VIT: variants seen among roughly 807,000 people sequenced by gnomAD.
VIT encodes vitrin.
Under a neutral mutation model 78.0 loss-of-function variants are expected in VIT, and 99 were observed. The ratio of observed to expected loss-of-function variants is 1.27; its 90% CI spans 1.08 to 1.50. The LOEUF (loss-of-function observed/expected upper bound fraction) is 1.50, where lower values mean the gene tolerates loss of function less well. VIT is among the 40% of genes most tolerant of loss of function. The pLI, the probability that VIT is intolerant of heterozygous loss-of-function variation, is 0.00. For missense variants in VIT, 1,126 were observed against 875.3 expected, an observed-to-expected ratio of 1.29 and a Z score of -3.61; for synonymous variants, 374 against 334.3, an observed-to-expected ratio of 1.12 and a Z score of -1.29.
intron 11 of VIT, 122 bp downstream of exon 11, chr2:36,783,524 T>C: frequency 1.1e-6 from 1 of 906,684 alleles, no homozygotes; most frequent in Non-Finnish European, 1.7e-6. Flanking sequence ...TTATCTCCTC[T>C]CTTCTGACAC....
In VIT at chr2:36,722,721, G is replaced by C. The variant is rs112079252; in HGVS notation, c.52+6299G>C. Among the ~76,000 whole-genome samples the C allele has an allele frequency of 3.2e-3, 482 of 152,254 alleles. 3 individuals carry two copies. Among genetic ancestry groups the C allele is most frequent in the African/African-American group, 0.011 (463 of 41,560 alleles). On this transcript the variant is annotated intron_variant, in intron 2 of 15. Coordinates refer to ENST00000379242, the MANE Select transcript of VIT (RefSeq NM_053276.4). ...TTCTAGGTACACAAATATGCAGTAA[G>C]TACCTACTGATTTGATTATTGATTA... is the stretch of plus-strand genomic sequence containing the variant.
intron 9 of VIT, among the ~76,000 whole-genome samples, chr2:36,775,368 C>G (rs185649682): frequency 1.4e-4 from 22 of 152,300 alleles, no homozygotes; most frequent in Admixed American, 1.2e-3. Context: ...ACCTACCAGG[C>G]CCATCCTCAG....
rs1022531364 is a variant in VIT, at chr2:36,755,175, T to G, written c.409+121T>G. ...ATTTCATAAAAATCTGAAGCATTCG[T>G]TTTTCTGATAATTAGAATCACGACA... On this transcript the variant is annotated intron_variant, in intron 5 of 15. Coordinates refer to ENST00000379242, the MANE Select transcript of VIT (RefSeq NM_053276.4). The G allele has an allele frequency of 8.0e-6, 9 of 1,125,368 alleles. No homozygotes were observed. In the African/African-American group the frequency reaches 1.4e-4, roughly 18 times the overall value. 69.7% of individuals were successfully genotyped at this position (1,125,368 alleles called of 1,614,324 possible). A position where few individuals can be genotyped will look rare whatever the true frequency, so the allele number is the denominator to read the frequency against.
chr2:36,720,917 A>G (rs1666464500), intron 2 of VIT, among the ~76,000 whole-genome samples: 1 of 152,020 alleles, frequency 6.6e-6, no homozygotes, highest in African/African-American at 2.4e-5. Flanking sequence ...GGCTGAGGCA[A>G]GAGAATTGCT....
At chr2:36,776,403 T>C (rs1270350947) in intron 9 of VIT, among the ~76,000 whole-genome samples, 3 of 152,148 alleles carry the variant, frequency 2.0e-5, no homozygotes, top group South Asian at 2.1e-4. Context: ...TTGGAGACAT[T>C]TGCCACTCTT....
At chr2:36,700,423 A>T (rs1038396191) in intron 1 of VIT, among the ~76,000 whole-genome samples, 6 of 152,064 alleles carry the variant, frequency 3.9e-5, no homozygotes, top group African/African-American at 1.4e-4. Context: ...TGTTATAATG[A>T]TTAACCATCA....
At position 36,760,832 on chromosome 2, in the gene VIT, CCAT is replaced by C. The variant is rs1669072613; in HGVS notation, c.487+1787_487+1789del. 5.3e-5 allele frequency among the ~76,000 whole-genome samples: 8 copies of C among 152,332 alleles called. No homozygotes were observed. In the South Asian group the frequency reaches 1.7e-3, roughly 32 times the overall value. ...CCTGGGGCAGCCCCTTCCCACAGAG[CCAT>C]GGGAACAGCCAGGCTTCTCTTTGGC... On this transcript the variant is annotated intron_variant, in intron 6 of 15. Transcript: ENST00000379242.
chr2:36,708,113 C>A (rs935469702), intron 1 of VIT, among the ~76,000 whole-genome samples: 1 of 146,898 alleles, frequency 6.8e-6, no homozygotes, highest in African/African-American at 2.5e-5. Flanking sequence ...AAGGACCTCC[C>A]CCCCCCGCCC....
chr2:36,802,604 T>C (rs541945367), intron 13 of VIT, among the ~76,000 whole-genome samples: 2 of 152,356 alleles, frequency 1.3e-5, no homozygotes, highest in African/African-American at 4.8e-5. Context: ...CAGTATTACC[T>C]TCATCACACA....
intron 1 of VIT, among the ~76,000 whole-genome samples, chr2:36,704,496 C>G (rs982483296): frequency 3.9e-5 from 6 of 152,170 alleles, no homozygotes; most frequent in Admixed American, 3.9e-4. Context: ...TCAGGGGGCC[C>G]TGCAGGAGAG....
At chr2:36,744,236 T>C (rs1010582042) in intron 4 of VIT, among the ~76,000 whole-genome samples, 2 of 152,236 alleles carry the variant, frequency 1.3e-5, no homozygotes, top group Non-Finnish European at 2.9e-5. Flanking sequence ...GGTTCCATTG[T>C]CTTTGCTATT....
intron 7 of VIT, among the ~76,000 whole-genome samples, chr2:36,772,516 C>T (rs1228985612): frequency 6.6e-6 from 1 of 152,106 alleles, no homozygotes; most frequent in Non-Finnish European, 1.5e-5. Context: ...GCCTGGGCAA[C>T]AAGAGCGAAA....
chr2:36,719,802 G>A (rs1354756186), intron 2 of VIT, among the ~76,000 whole-genome samples: 2 of 152,210 alleles, frequency 1.3e-5, no homozygotes, highest in African/African-American at 4.8e-5. Flanking sequence ...TTATCCAGGT[G>A]TGGTGGCATG....
intron 4 of VIT, 102 bp downstream of exon 4, chr2:36,743,358 AT>A: frequency 8.2e-7 from 1 of 1,224,902 alleles, no homozygotes; most frequent in Non-Finnish European, 1.1e-6. Flanking sequence ...ATATACAAAT[AT>A]TTTTTAGCTC....
intron 2 of VIT, among the ~76,000 whole-genome samples, chr2:36,727,242 CT>C (rs944951671): frequency 6.6e-6 from 1 of 152,078 alleles, no homozygotes; most frequent in South Asian, 2.1e-4. Context: ...TCTTCTGAGG[CT>C]TTTTTTATGT....
At chr2:36,724,164 G>A (rs1002394638) in intron 2 of VIT, among the ~76,000 whole-genome samples, 8 of 151,936 alleles carry the variant, frequency 5.3e-5, no homozygotes, top group Admixed American at 3.3e-4. Flanking sequence ...GATTACAGGC[G>A]CCAGCCACCA....
intron 8 of VIT, among the ~76,000 whole-genome samples, chr2:36,774,340 C>T (rs1015788068): frequency 3.9e-5 from 6 of 152,078 alleles, no homozygotes; most frequent in Admixed American, 1.3e-4. Flanking sequence ...ATGGTTTGGC[C>T]GAAGAACTAG....
chr2:36,750,103 G>A (rs1244022567), intron 4 of VIT, among the ~76,000 whole-genome samples: 2 of 152,206 alleles, frequency 1.3e-5, no homozygotes, highest in African/African-American at 2.4e-5. Context: ...GACACGAAAA[G>A]CTGTTCCATA....
chr2:36,810,697 G>A (rs977675703), intron 15 of VIT, among the ~76,000 whole-genome samples: 2 of 150,108 alleles, frequency 1.3e-5, no homozygotes, highest in Non-Finnish European at 2.9e-5. Context: ...GCAGTAGCAC[G>A]ATCTCTACTC....
Sources: gnomAD v4.1 joint callset for allele counts (sites outside exome capture counted in the v4.1 genomes callset) on GRCh38, gnomAD v4.1.1 for gene constraint, MANE v1.5 for transcripts, NCBI Gene and HGNC (gene_info 2026-07-23, HGNC 2026-07-21) for gene names.